Variants in ZNF521 observed in about 807,000 individuals in gnomAD.
ZNF521 encodes zinc finger protein 521, also known as LYST-interacting protein 3.
In ZNF521, 14 loss-of-function variants were observed where a neutral mutation model predicts 105.5. The ratio of observed to expected loss-of-function variants is 0.13; its 90% CI spans 0.09 to 0.21. ZNF521 has a LOEUF of 0.21. ZNF521 is among the 10% of genes least tolerant of loss of function. ZNF521 has a pLI of 1.00. For synonymous variants in ZNF521, 635 were observed against 606.0 expected (o/e 1.05, Z -0.70); for missense variants, 1,233 against 1,629.7 (o/e 0.76, Z 4.19).
chr18:25,286,987 A>C (rs1910741973), intron 3 of ZNF521, among the ~76,000 whole-genome samples: 1 of 152,236 alleles, frequency 6.6e-6, no homozygotes, highest in Admixed American at 6.5e-5. Flanking sequence ...TGAATACTCC[A>C]AAAGAAAATT....
chr18:25,266,308 A>G (rs1797494542), intron 3 of ZNF521, among the ~76,000 whole-genome samples: 1 of 152,240 alleles, frequency 6.6e-6, no homozygotes, highest in Non-Finnish European at 1.5e-5. Context: ...TACTCCTACT[A>G]TGTACCCACA....
chr18:25,345,615 C>T (rs901928462), intron 2 of ZNF521, among the ~76,000 whole-genome samples: 2 of 152,146 alleles, frequency 1.3e-5, no homozygotes, highest in African/African-American at 4.8e-5. Context: ...ATCGTGAAAC[C>T]GGCGTTTTGG....
chr18:25,171,370 T>C (rs1408292034), intron 5 of ZNF521, among the ~76,000 whole-genome samples: 2 of 152,172 alleles, frequency 1.3e-5, no homozygotes, highest in Non-Finnish European at 2.9e-5. Context: ...ATTAATGTTG[T>C]ACACTTTATA....
intron 4 of ZNF521, among the ~76,000 whole-genome samples, chr18:25,210,424 C>T (rs968484413): frequency 1.3e-5 from 2 of 152,138 alleles, no homozygotes; most frequent in Admixed American, 6.5e-5. Context: ...AAAAAATTTA[C>T]AGACTCAGTT....
At chr18:25,144,334 C>A (rs1600088315) in intron 5 of ZNF521, among the ~76,000 whole-genome samples, 2 of 152,098 alleles carry the variant, frequency 1.3e-5, no homozygotes, top group South Asian at 2.1e-4. Context: ...ATAATCACAC[C>A]AGGAAAAAGA....
At chr18:25,212,544 T>A (rs866962395) in intron 4 of ZNF521, among the ~76,000 whole-genome samples, 218 of 90,676 alleles carry the variant, frequency 2.4e-3, no homozygotes, top group African/African-American at 3.3e-3. Flanking sequence ...AAAAAATATA[T>A]ATATATATAT....
intron 5 of ZNF521, among the ~76,000 whole-genome samples, chr18:25,182,094 C>T (rs563200885): frequency 3.9e-4 from 60 of 151,994 alleles, no homozygotes; most frequent in Non-Finnish European, 7.5e-4. Context: ...AGAAGAAGGA[C>T]ATTTTGAGGC....
At chr18:25,349,881 G>A (rs2145237282) in intron 2 of ZNF521, among the ~76,000 whole-genome samples, 1 of 150,742 alleles carries the variant, frequency 6.6e-6, no homozygotes, top group South Asian at 2.1e-4. Context: ...CCCTCGCCCC[G>A]GTTCCCCGTC....
At chr18:25,314,963 G>A (rs566080446) in intron 3 of ZNF521, among the ~76,000 whole-genome samples, 24 of 152,300 alleles carry the variant, frequency 1.6e-4, no homozygotes, top group African/African-American at 5.5e-4. Context: ...CAAAGTCTCT[G>A]TAATCTCAGC....
intron 7 of ZNF521, among the ~76,000 whole-genome samples, chr18:25,070,563 G>C (rs2033193560): frequency 6.6e-6 from 1 of 152,100 alleles, no homozygotes; most frequent in Non-Finnish European, 1.5e-5. Flanking sequence ...AAGGCCAGTG[G>C]GGCTTGCCTT....
At chr18:25,106,330 A>G (rs1347138704) in intron 5 of ZNF521, among the ~76,000 whole-genome samples, 1 of 152,178 alleles carries the variant, frequency 6.6e-6, no homozygotes, top group Non-Finnish European at 1.5e-5. Context: ...AAATACCAGG[A>G]AAACCATATA....
intron 5 of ZNF521, among the ~76,000 whole-genome samples, chr18:25,174,442 C>G (rs1458850642): frequency 1.3e-5 from 2 of 152,112 alleles, no homozygotes; most frequent in Non-Finnish European, 2.9e-5. Context: ...ATAAGGGGAC[C>G]CAGGATTCAA....
In ZNF521 at chr18:25,227,102, G is replaced by A. The variant is rs114476837; in HGVS notation, c.816C>T (p.Cys272=). 3.1e-4 allele frequency: 496 copies of A among 1,614,184 alleles called. 2 individuals are homozygous for A. Among genetic ancestry groups the A allele is most frequent in the Middle Eastern group, 1.2e-3 (7 of 6,062 alleles). The change falls in exon 4 of 8, where the codon TGC becomes TGT. Residue 272 remains cysteine (C), a synonymous_variant. Transcript: ENST00000361524. The surrounding 1 kb of genome is among the most constrained non-coding windows in gnomAD (Gnocchi z 5.7). ...GGGCCGCTCGGTCCTCATTTGGGGAGCATTCGGGGTGGCACTCTGCAATGT... is the reference window on the plus strand; with the variant it reads ...GGGCCGCTCGGTCCTCATTTGGGGAACATTCGGGGTGGCACTCTGCAATGT... ...QKHIAECHPE[C]SPNEDRAALQ...
chr18:25,270,640 A>T (rs1240435504), intron 3 of ZNF521, among the ~76,000 whole-genome samples: 1 of 152,152 alleles, frequency 6.6e-6, no homozygotes, highest in African/African-American at 2.4e-5. Flanking sequence ...ATCAATAAAC[A>T]TAATCCATCA....
chr18:25,109,311 A>G (rs1315487150), intron 5 of ZNF521, among the ~76,000 whole-genome samples: 2 of 152,182 alleles, frequency 1.3e-5, no homozygotes, highest in African/African-American at 2.4e-5. Flanking sequence ...GCTGCATAGT[A>G]TTCCATGGTA....
intron 4 of ZNF521, among the ~76,000 whole-genome samples, chr18:25,206,932 T>C (rs1174508566): frequency 6.6e-6 from 1 of 152,210 alleles, no homozygotes; most frequent in East Asian, 1.9e-4. Context: ...TCTTTCACTT[T>C]ACCTATTCTA....
intron 3 of ZNF521, among the ~76,000 whole-genome samples, chr18:25,259,292 C>T (rs1038214327): frequency 6.6e-6 from 1 of 152,148 alleles, no homozygotes; most frequent in African/African-American, 2.4e-5. Flanking sequence ...ATTCTAGGTA[C>T]AGTCTTGGCC....
Position 25,070,548 on chromosome 18 carries a change from T to A in ZNF521, c.3907-7807A>T, listed in dbSNP as rs145537848. Among the ~76,000 whole-genome samples the A allele has an allele frequency of 5.6e-3, 858 of 152,260 alleles. 11 individuals carry two copies. The highest frequency in any genetic ancestry group is 0.02 in the African/African-American group (823 of 41,542). Reference sequence around the variant, plus strand: ...TCCAGAGAGGAGCCTGAAAATAGATTTTAGAAGGCCAGTGGGGCTTGCCTT... The same window carrying A: ...TCCAGAGAGGAGCCTGAAAATAGATATTAGAAGGCCAGTGGGGCTTGCCTT... On this transcript the variant is annotated intron_variant, in intron 7 of 7. Transcript: ENST00000361524.
At chr18:25,202,886 T>C (rs1434253075) in intron 4 of ZNF521, 2 of 152,202 alleles carry the variant, frequency 1.3e-5, no homozygotes, top group African/African-American at 4.8e-5. Flanking sequence ...CCACTAATGA[T>C]GAAAAGCCCA....
Sources: allele counts gnomAD v4.1 joint callset (sites outside exome capture counted in the v4.1 genomes callset), GRCh38; gene constraint gnomAD v4.1.1; non-coding constraint Gnocchi (gnomAD v3.1); transcripts MANE v1.5; gene names NCBI Gene and HGNC (gene_info 2026-07-23, HGNC 2026-07-21).